STAT4: variants seen among roughly 807,000 people sequenced by gnomAD.
The protein encoded by STAT4 is signal transducer and activator of transcription 4.
In STAT4, 42 loss-of-function variants were observed where a neutral mutation model predicts 110.5. The observed-to-expected ratio is 0.38, with a 90% CI of 0.30 to 0.49. STAT4 has a LOEUF of 0.49. Ranked by LOEUF, STAT4 falls within the 20% of genes least tolerant of loss-of-function variation. STAT4 has a pLI of 0.95. For missense variants in STAT4, 632 were observed against 887.9 expected, an observed-to-expected ratio of 0.71 and a Z score of 3.66; for synonymous variants, 284 against 302.2, an observed-to-expected ratio of 0.94 and a Z score of 0.63.
intron 6 of STAT4, chr2:191,068,585 G>A (rs996471837): frequency 2.0e-5 from 3 of 152,034 alleles, no homozygotes; most frequent in Admixed American, 6.6e-5. Flanking sequence ...TTGAATAGTC[G>A]AAGATGATTC....
chr2:191,133,716 A>G (rs995517864), intron 3 of STAT4, among the ~76,000 whole-genome samples: 1 of 151,748 alleles, frequency 6.6e-6, no homozygotes, highest in Non-Finnish European at 1.5e-5. Context: ...ACAAAAAGGA[A>G]GGTGAATAAG....
rs1432338596 is a variant in STAT4 at position 191,031,529 on chromosome 2, A to G, written c.2045-13T>C. 3.1e-6 allele frequency: 5 copies of G among 1,611,588 alleles called. No individual in the cohort carries two copies. Among genetic ancestry groups the G allele is most frequent in the Non-Finnish European group, 4.2e-6 (5 of 1,178,974 alleles). ...GTTGGTCTTGAAACTGGAAAACAAA[A>G]AGGCACAATGTTGGGGAAAAAAATG... On this transcript the variant is annotated splice_polypyrimidine_tract_variant and intron_variant, in intron 21 of 23. Coordinates refer to ENST00000392320, the MANE Select transcript of STAT4 (RefSeq NM_003151.4). The surrounding 1 kb of genome is among the most constrained non-coding windows in gnomAD (Gnocchi z 4.8).
rs1445510910 is a variant in STAT4, at chr2:191,113,773, CTTA to C, written c.273+32837_273+32839del. On this transcript the variant is annotated intron_variant, in intron 3 of 23. Transcript: ENST00000392320. This position sits in a 1 kb window ranked among gnomAD's most constrained non-coding sequence, Gnocchi z 4.8. ...GTATAAAGAAAATCTGTGAAAATTC[CTTA>C]TTTTTTAAAAGTACACTTTTTGTAC... 1.3e-5 allele frequency among the ~76,000 whole-genome samples: 2 copies of C among 152,050 alleles called. No individual in the cohort carries two copies. The highest frequency in any genetic ancestry group is 1.5e-5 in the Non-Finnish European group (1 of 67,996).
intron 3 of STAT4, among the ~76,000 whole-genome samples, chr2:191,111,811 G>T (rs540255850): frequency 6.6e-6 from 1 of 152,192 alleles, no homozygotes; most frequent in African/African-American, 2.4e-5. Flanking sequence ...AGTGAGCTCT[G>T]ATTGCATTAC....
Position 191,142,830 on chromosome 2 carries a change from G to T in STAT4, c.273+3783C>A, listed in dbSNP as rs777827922. Reference sequence around the variant, plus strand: ...GGGGCTCCGTGGGAAGCGAGAGAAGGATGAATATTGGAGAGGACAGGAGAT... The same window carrying T: ...GGGGCTCCGTGGGAAGCGAGAGAAGTATGAATATTGGAGAGGACAGGAGAT... On this transcript the variant is annotated intron_variant, in intron 3 of 23. Transcript: ENST00000392320. This position sits in a 1 kb window ranked among gnomAD's most constrained non-coding sequence, Gnocchi z 4.1. Among the ~76,000 whole-genome samples the T allele has an allele frequency of 3.3e-5, 5 of 152,126 alleles. No individual in the cohort carries two copies. Among genetic ancestry groups the T allele is most frequent in the Non-Finnish European group, 5.9e-5 (4 of 68,034 alleles).
At chr2:191,073,227 A>G (rs765234165) in intron 4 of STAT4, 37 bp from the exon 5 acceptor site, 1 of 1,587,576 alleles carries the variant, frequency 6.3e-7, no homozygotes, top group South Asian at 1.1e-5. Context: ...TCTGGTTTTG[A>G]AAAGGTTTAT....
chr2:191,079,255 A>C (rs561659460), intron 3 of STAT4, among the ~76,000 whole-genome samples: 1 of 74,992 alleles, frequency 1.3e-5, no homozygotes, highest in Admixed American at 1.6e-4. Context: ...ACACATATGC[A>C]CACCCTGGTT....
intron 14 of STAT4, chr2:191,041,827 T>G (rs543557760): frequency 3.9e-5 from 6 of 152,302 alleles, no homozygotes; most frequent in African/African-American, 1.4e-4. Context: ...GGCAGTGAGG[T>G]CTCCACCCCT....
intron 15 of STAT4, among the ~76,000 whole-genome samples, chr2:191,040,779 GTC>G (rs1395072930): frequency 6.6e-6 from 1 of 152,042 alleles, no homozygotes; most frequent in Non-Finnish European, 1.5e-5. Flanking sequence ...GCCCAGGCTG[GTC>G]TCAAATTCCA....
chr2:191,033,896 T>C lies in STAT4; in HGVS notation c.1715+15A>G, dbSNP rs372887498. On this transcript the variant is annotated intron_variant, in intron 19 of 23. Transcript: ENST00000392320. This position sits in a 1 kb window ranked among gnomAD's most constrained non-coding sequence, Gnocchi z 6.9. ...ACATAATTAACTCATATGAAAAATATAGCCTATAACTTACCCATCAATCCA... is the reference window on the plus strand; with the variant it reads ...ACATAATTAACTCATATGAAAAATACAGCCTATAACTTACCCATCAATCCA... 26 of 1,561,726 alleles carry C rather than the reference T, an allele frequency of 1.7e-5. No homozygotes were observed. Among genetic ancestry groups the C allele is most frequent in the Non-Finnish European group, 2.0e-5 (23 of 1,151,382 alleles).
At chr2:191,054,148 GAAAA>G (rs949797978) in intron 14 of STAT4, among the ~76,000 whole-genome samples, 1 of 129,082 alleles carries the variant, frequency 7.7e-6, no homozygotes, top group Non-Finnish European at 1.7e-5. Context: ...AAAAAAGAAA[GAAAA>G]AAAAGATACA....
intron 3 of STAT4, among the ~76,000 whole-genome samples, chr2:191,100,810 T>A (rs1698131087): frequency 6.6e-6 from 1 of 151,576 alleles, no homozygotes; most frequent in Non-Finnish European, 1.5e-5. Context: ...ATAAAATATA[T>A]GTGACTTTAT....
chr2:191,036,410 G>A, intron 16 of STAT4, 111 bp from the exon 17 acceptor site: 1 of 1,137,790 alleles, frequency 8.8e-7, no homozygotes, highest in East Asian at 2.5e-5. Context: ...TACTAGGAGT[G>A]TTGGGTGACT....
intron 14 of STAT4, among the ~76,000 whole-genome samples, chr2:191,044,211 A>T (rs1193494854): frequency 6.6e-6 from 1 of 152,214 alleles, no homozygotes; most frequent in Non-Finnish European, 1.5e-5. Context: ...AATTGGAAGG[A>T]CCCATGAATG....
At chr2:191,087,237 T>G (rs1697657815) in intron 3 of STAT4, among the ~76,000 whole-genome samples, 1 of 152,194 alleles carries the variant, frequency 6.6e-6, no homozygotes, top group African/African-American at 2.4e-5. Context: ...CAATTTTTCT[T>G]TCACTCCATT....
chr2:191,065,047 AAGGCT>A, intron 7 of STAT4, 89 bp from the exon 8 acceptor site: 1 of 1,347,736 alleles, frequency 7.4e-7, no homozygotes, highest in South Asian at 1.8e-5. Context: ...CTGGTAGACA[AAGGCT>A]TGGTTAAAAT....
Position 191,079,799 on chromosome 2 carries a change from C to A in STAT4, c.274-3474G>T, listed in dbSNP as rs1574136516. On this transcript the variant is annotated intron_variant, in intron 3 of 23. Transcript: ENST00000392320. ...AATTTAATTTTAATCAGAATACATT[C>A]TCTGAATGACTTCAATCATTTTAAA... is the stretch of plus-strand genomic sequence containing the variant. Among the ~76,000 whole-genome samples, 5 of 152,048 alleles carry A rather than the reference C, an allele frequency of 3.3e-5. 1 individual carries two copies. Among genetic ancestry groups the A allele is most frequent in the Admixed American group, 3.3e-4 (5 of 15,246 alleles).
chr2:191,097,145 T>A (rs1698010370), intron 3 of STAT4, among the ~76,000 whole-genome samples: 1 of 152,098 alleles, frequency 6.6e-6, no homozygotes, highest in Non-Finnish European at 1.5e-5. Context: ...GGAAGAACAT[T>A]CCATGCTCAT....
chr2:191,052,241 A>G (rs534134612), intron 14 of STAT4, among the ~76,000 whole-genome samples: 2 of 152,150 alleles, frequency 1.3e-5, no homozygotes, highest in South Asian at 2.1e-4. Flanking sequence ...ATCTTCCTTC[A>G]TGTACTTCAT....
Sources: allele counts gnomAD v4.1 joint callset (sites outside exome capture counted in the v4.1 genomes callset), GRCh38; gene constraint gnomAD v4.1.1; non-coding constraint Gnocchi (gnomAD v3.1); transcripts MANE v1.5; gene names NCBI Gene and HGNC (gene_info 2026-07-23, HGNC 2026-07-21).